SMYD3: variants seen among roughly 807,000 people sequenced by gnomAD.
SMYD3 encodes histone-lysine N-methyltransferase SMYD3.
A neutral mutation model predicts 57.7 loss-of-function variants in SMYD3; 36 were observed. The ratio of observed to expected loss-of-function variants is 0.62; its 90% CI spans 0.48 to 0.82. SMYD3 has a LOEUF of 0.82. SMYD3 is among the 40% of genes least tolerant of loss of function. The pLI is 0.00. For synonymous variants in SMYD3, 211 were observed against 195.0 expected (o/e 1.08, Z -0.68); for missense variants, 515 against 538.8 (o/e 0.96, Z 0.44).
intron 10 of SMYD3, among the ~76,000 whole-genome samples, chr1:245,820,892 A>C (rs1033513052): frequency 6.6e-6 from 1 of 151,470 alleles, no homozygotes; most frequent in African/African-American, 2.4e-5. Context: ...AATGAAATAA[A>C]AGAGGATACA....
chr1:245,951,568 C>CAA (rs746225362), intron 5 of SMYD3, among the ~76,000 whole-genome samples: 4,197 of 93,906 alleles, frequency 0.045, 370 homozygotes, highest in African/African-American at 0.17. Context: ...GGCTCTCTCT[C>CAA]AAAAAAAAAA....
rs114200215 is a variant in SMYD3, at chr1:245,877,554, C to T, written c.814-13668G>A. On this transcript the variant is annotated intron_variant, in intron 8 of 11. Transcript: ENST00000490107. The stretch of plus-strand genomic sequence containing the variant: ...GAGATGACATGAATCTGAATAAGGC[C>T]GTGCCTTAGCAACAGTGAGAGAGGA... Among the ~76,000 whole-genome samples the T allele has an allele frequency of 3.5e-3, 529 of 152,196 alleles. 1 individual carries two copies. Among genetic ancestry groups the T allele is most frequent in the African/African-American group, 0.011 (469 of 41,528 alleles).
chr1:246,294,030 C>T (rs2064747168), intron 5 of SMYD3, among the ~76,000 whole-genome samples: 1 of 152,104 alleles, frequency 6.6e-6, no homozygotes, highest in Admixed American at 6.6e-5. Context: ...GGTTTTCCTC[C>T]CACTTTACTC....
At chr1:245,977,133 C>G (rs1477699414) in intron 5 of SMYD3, among the ~76,000 whole-genome samples, 2 of 152,220 alleles carry the variant, frequency 1.3e-5, no homozygotes, top group Non-Finnish European at 2.9e-5. Context: ...AATCCATTCT[C>G]TATATACTTC....
At chr1:246,400,051 TTCTC>T (rs559638105) in intron 1 of SMYD3, among the ~76,000 whole-genome samples, 1 of 152,210 alleles carries the variant, frequency 6.6e-6, no homozygotes, top group African/African-American at 2.4e-5. Flanking sequence ...TGTTTCATCT[TTCTC>T]TGTTTTCCCA....
At chr1:246,282,347 A>AAAAAAAAC (rs2064468729) in intron 5 of SMYD3, among the ~76,000 whole-genome samples, 1 of 138,438 alleles carries the variant, frequency 7.2e-6, no homozygotes, top group African/African-American at 2.6e-5. Flanking sequence ...AAAAGCAAAA[A>AAAAAAAAC]AATTAGCTGG....
intron 5 of SMYD3, among the ~76,000 whole-genome samples, chr1:246,136,801 C>G (rs555533404): frequency 1.3e-5 from 2 of 152,280 alleles, no homozygotes; most frequent in South Asian, 4.2e-4. Flanking sequence ...AAGATGCAGA[C>G]AGTCCTAAAT....
chr1:246,134,806 CT>C (rs5782386), intron 5 of SMYD3, among the ~76,000 whole-genome samples: 73,317 of 151,322 alleles, frequency 0.48, 21,114 homozygotes, highest in Non-Finnish European at 0.66. Context: ...CTTCCCCCCC[CT>C]GCCGCTTTTA....
intron 10 of SMYD3, among the ~76,000 whole-genome samples, chr1:245,824,154 T>C (rs114172967): frequency 3.3e-5 from 5 of 152,328 alleles, no homozygotes; most frequent in Non-Finnish European, 7.3e-5. Context: ...TTCCCCAAAG[T>C]AGGGAAACAG....
intron 5 of SMYD3, among the ~76,000 whole-genome samples, chr1:245,946,986 C>T (rs1046633027): frequency 3.9e-5 from 6 of 152,166 alleles, no homozygotes; most frequent in East Asian, 3.9e-4. Context: ...TGCGGGGCAG[C>T]GTCGAATCTG....
intron 1 of SMYD3, among the ~76,000 whole-genome samples, chr1:246,439,723 G>A (rs545002396): frequency 8.5e-5 from 13 of 152,216 alleles, no homozygotes; most frequent in East Asian, 1.9e-4. Context: ...GGGGGTGGGC[G>A]GATTACTTGA....
chr1:245,751,578 AAGAGAG>A (rs370696961), intron 11 of SMYD3, among the ~76,000 whole-genome samples: 3 of 113,576 alleles, frequency 2.6e-5, no homozygotes, highest in African/African-American at 1.1e-4. Context: ...GAGAAAGAGA[AAGAGAG>A]AGAGAGAGAA....
chr1:246,507,248 A>C lies in SMYD3; in HGVS notation c.-31T>G, dbSNP rs2068559399. The C allele has an allele frequency of 2.7e-6, 4 of 1,470,530 alleles. No homozygotes were observed. The highest frequency in any genetic ancestry group is 3.6e-6 in the Non-Finnish European group (4 of 1,104,150). The allele number at this position is 1,470,530 out of a possible 1,614,324, so 91.1% of individuals were successfully genotyped here. On this transcript the variant is annotated 5_prime_UTR_variant, in exon 1 of 12. Coordinates refer to ENST00000490107, the MANE Select transcript of SMYD3 (RefSeq NM_001167740.2). ...CGCAGCTCCGGCACCTCAGACGGCTACCCGCGTCCAGCAGCGGGCGTCTCA... is the reference window on the plus strand; with the variant it reads ...CGCAGCTCCGGCACCTCAGACGGCTCCCCGCGTCCAGCAGCGGGCGTCTCA...
At chr1:245,836,851 G>A (rs1185067231) in intron 10 of SMYD3, among the ~76,000 whole-genome samples, 2 of 152,130 alleles carry the variant, frequency 1.3e-5, no homozygotes, top group African/African-American at 2.4e-5. Flanking sequence ...GCAGAGCCCC[G>A]GGAATTCAAC....
intron 8 of SMYD3, 136 bp from the exon 9 acceptor site, chr1:245,864,022 T>C: frequency 1.4e-6 from 1 of 732,670 alleles, no homozygotes; most frequent in Non-Finnish European, 2.3e-6. Flanking sequence ...ATCAGGGAAA[T>C]ATATAAAGCA....
At position 246,051,129 on chromosome 1, in the gene SMYD3, ACTC is replaced by A. The variant is rs555230770; in HGVS notation, c.532-121195_532-121193del. ...TAATATTAACTTCTTTTTTTTTCTT[ACTC>A]CTTTTTTTTTTTTTTTGAGACAAGG... On this transcript the variant is annotated intron_variant, in intron 5 of 11. Transcript: ENST00000490107. Among the ~76,000 whole-genome samples the A allele has an allele frequency of 5.2e-5, 7 of 134,858 alleles. No individual in the cohort carries two copies. The South Asian group carries it at 1.6e-3, about 32-fold the overall frequency. 88.5% of individuals were successfully genotyped at this position (134,858 alleles called of 152,430 possible). A position where few individuals can be genotyped will look rare whatever the true frequency, so the allele number is the denominator to read the frequency against.
intron 5 of SMYD3, among the ~76,000 whole-genome samples, chr1:246,234,620 G>GAACACACACCACACAGA (rs1558336784): frequency 1.3e-5 from 2 of 152,202 alleles, no homozygotes; most frequent in Admixed American, 6.5e-5. Context: ...ACACTGTGAT[G>GAACACACACCACACAGA]GCTATTGGCC....
intron 3 of SMYD3, among the ~76,000 whole-genome samples, chr1:246,332,633 C>T (rs975917801): frequency 6.6e-6 from 1 of 152,218 alleles, no homozygotes; most frequent in Non-Finnish European, 1.5e-5. Context: ...TGGTGAAACC[C>T]TGTCTCTACT....
At chr1:245,859,470 G>A (rs1162786785) in intron 9 of SMYD3, among the ~76,000 whole-genome samples, 5 of 152,220 alleles carry the variant, frequency 3.3e-5, no homozygotes. Context: ...TAGCCTTGGA[G>A]TGACTTCGCT....
Sources: allele counts gnomAD v4.1 joint callset (sites outside exome capture counted in the v4.1 genomes callset), GRCh38; gene constraint gnomAD v4.1.1; transcripts MANE v1.5; gene names NCBI Gene and HGNC (gene_info 2026-07-23, HGNC 2026-07-21).